The following MYH11 variants were observed in gnomAD, a reference collection of about 807,000 sequenced individuals.
The protein encoded by MYH11 is myosin heavy chain 11.
In MYH11, 80 loss-of-function variants were observed where a neutral mutation model predicts 246.6. The ratio of observed to expected loss-of-function variants is 0.32; its 90% CI spans 0.27 to 0.39. MYH11 has a LOEUF of 0.39. Among genes scored for constraint, MYH11 ranks in the 10% least tolerant of loss-of-function variants. The pLI is 1.00. For missense variants in MYH11, 2,158 were observed against 2,546.8 expected (o/e 0.85, Z 3.29); for synonymous variants, 1,071 against 1,015.5 (o/e 1.05, Z -1.04).
chr16:15,714,773 G>A, intron 40 of MYH11, 136 bp downstream of exon 40: 1 of 1,131,684 alleles, frequency 8.8e-7, no homozygotes, highest in Non-Finnish European at 1.3e-6. Context: ...AGTGATTAAG[G>A]AGAAGCAGGA....
chr16:15,763,741 T>TGGGGGGGCCCCCCCC, intron 10 of MYH11, 55 bp downstream of exon 10: 3 of 646,860 alleles, frequency 4.6e-6, no homozygotes, highest in East Asian at 3.2e-5. Context: ...AAATGTCACC[T>TGGGGGGGCCCCCCCC]CCCCCACCCC....
Position 15,776,063 on chromosome 16 carries a change from T to C in MYH11, c.889+15A>G, listed in dbSNP as rs1458570280. On this transcript the variant is annotated intron_variant, in intron 8 of 40. Transcript: ENST00000300036. ...GCTCAAGCCATCCAATCACATGTCA[T>C]TGCTAGTCACTTACTTCTCATCTTC... 3.8e-6 allele frequency: 6 copies of C among 1,576,780 alleles called. No homozygotes were observed. Among genetic ancestry groups the C allele is most frequent in the South Asian group, 1.1e-5 (1 of 90,316 alleles).
intron 3 of MYH11, among the ~76,000 whole-genome samples, chr16:15,804,002 G>A (rs1179541879): frequency 6.6e-6 from 1 of 152,196 alleles, no homozygotes; most frequent in Non-Finnish European, 1.5e-5. Context: ...GGAACTCTGA[G>A]ATCCTGGAAA....
rs573993389 is a variant in MYH11 at position 15,740,302 on chromosome 16, G to C, written c.2860-114C>G. 45 of 1,516,028 alleles carry C rather than the reference G, an allele frequency of 3.0e-5. 1 individual carries two copies. Among genetic ancestry groups the C allele is most frequent in the East Asian group, 9.1e-5 (4 of 44,190 alleles). The allele number at this position is 1,516,028 out of a possible 1,614,324, so 93.9% of individuals were successfully genotyped here. ...GCCTGAAGATGCCCAGAACTCTGTA[G>C]CCTCCTAAAAGGAAGAAATAAAGGC... On this transcript the variant is annotated intron_variant, in intron 22 of 40. Coordinates refer to ENST00000300036, the MANE Select transcript of MYH11 (RefSeq NM_002474.3).
At chr16:15,737,755 G>A in intron 24 of MYH11, 135 bp from the exon 25 acceptor site, 1 of 870,876 alleles carries the variant, frequency 1.1e-6, no homozygotes, top group Non-Finnish European at 1.8e-6. Flanking sequence ...TCACGGTCTG[G>A]ACCATTATCT....
At position 15,755,948 on chromosome 16, in the gene MYH11, TTTAGCTGGGCATGGTGGTG is replaced by T. The variant is rs570838477; in HGVS notation, c.1749+374_1749+392del. ...TTCCATCTCAAAAAGGAAAAAAGAT[TTTAGCTGGGCATGGTGGTG>T]TACACCTGTAGTCCCAGCTACTTGG... On this transcript the variant is annotated intron_variant, in intron 14 of 40. Coordinates refer to ENST00000300036, the MANE Select transcript of MYH11 (RefSeq NM_002474.3). 5.2e-4 allele frequency among the ~76,000 whole-genome samples: 79 copies of T among 151,792 alleles called. 1 individual carries two copies. Among genetic ancestry groups the T allele is most frequent in the African/African-American group, 1.9e-3 (77 of 41,418 alleles).
rs1280938518 is a variant in MYH11 at position 15,748,049 on chromosome 16, T to C, written c.2178A>G (p.Gln726=). The stretch of plus-strand genomic sequence containing the variant: ...CTGGGCCAGACCTTGGGACTTACCG[T>C]TGGCGGAACTCCTGGAAGACGATCC... The part of the protein sequence containing the change: ...PNRIVFQEFR[Q]RYEILAANAI... Residue 726 remains glutamine, a splice_region_variant and synonymous_variant, in exon 17 of 41, where the codon CAA becomes CAG. Coordinates refer to ENST00000300036, the MANE Select transcript of MYH11 (RefSeq NM_002474.3). 6.2e-7 allele frequency: 1 copy of C among 1,614,178 alleles called. No homozygotes were observed.
At chr16:15,789,351 T>A (rs1462265756) in intron 4 of MYH11, among the ~76,000 whole-genome samples, 1 of 152,154 alleles carries the variant, frequency 6.6e-6, no homozygotes, top group Admixed American at 6.5e-5. Flanking sequence ...GGCTCACAGA[T>A]CTTTTCATTT....
intron 1 of MYH11, among the ~76,000 whole-genome samples, chr16:15,848,236 T>A (rs1294174482): frequency 6.7e-6 from 1 of 148,620 alleles, no homozygotes; most frequent in Non-Finnish European, 1.5e-5. Context: ...GTCTTTTTTT[T>A]TTTTTTTTTT....
intron 11 of MYH11, 123 bp downstream of exon 11, chr16:15,760,417 G>T: frequency 1.2e-6 from 1 of 822,902 alleles, no homozygotes; most frequent in East Asian, 2.4e-5. Context: ...TGGATGGACA[G>T]ATGCAGAGGC....
In MYH11 at chr16:15,778,809, C is replaced by G. The variant is rs1355086136; in HGVS notation, c.761G>C (p.Gly254Ala). Residue 254 changes from glycine (G) to alanine (A), a missense_variant, in exon 7 of 41, where the codon GGT (glycine) becomes GCT (alanine). Around this residue, in one of 11 missense-constraint regions of MYH11, gnomAD observed 123 missense variants for 207.1 expected, o/e 0.59. Coordinates refer to ENST00000300036, the MANE Select transcript of MYH11 (RefSeq NM_002474.3). The stretch of plus-strand genomic sequence containing the variant: ...CTCAATGTTGGCTCCCACGATGTAA[C>G]CCGTGACGTCGAAGTTGATGCGGAT... ...KFIRINFDVT[G>A]YIVGANIETY... 6.2e-7 allele frequency: 1 copy of G among 1,614,086 alleles called. No homozygotes were observed. Among genetic ancestry groups the G allele is most frequent in the South Asian group, 1.1e-5 (1 of 91,078 alleles).
chr16:15,802,317 T>C (rs1458987030), intron 3 of MYH11, among the ~76,000 whole-genome samples: 3 of 152,340 alleles, frequency 2.0e-5, no homozygotes, highest in Non-Finnish European at 4.4e-5. Flanking sequence ...GGGTGGGCAC[T>C]GGCATTGCCT....
intron 3 of MYH11, among the ~76,000 whole-genome samples, chr16:15,804,844 C>A (rs2042972521): frequency 1.3e-5 from 2 of 152,136 alleles, no homozygotes; most frequent in Non-Finnish European, 2.9e-5. Context: ...GACTTTATGC[C>A]TATTTGTGGC....
At chr16:15,762,786 C>G (rs574998907) in intron 10 of MYH11, among the ~76,000 whole-genome samples, 1 of 152,310 alleles carries the variant, frequency 6.6e-6, no homozygotes, top group South Asian at 2.1e-4. Flanking sequence ...CTTACTCTAT[C>G]GCAATTCCCC....
chr16:15,784,246 T>C (rs2042417364), intron 5 of MYH11, among the ~76,000 whole-genome samples: 1 of 151,986 alleles, frequency 6.6e-6, no homozygotes, highest in Non-Finnish European at 1.5e-5. Context: ...TTAGGGATGA[T>C]GGCAGGGAGA....
At chr16:15,817,712 G>A (rs2151350368) in intron 3 of MYH11, among the ~76,000 whole-genome samples, 1 of 152,226 alleles carries the variant, frequency 6.6e-6, no homozygotes, top group East Asian at 1.9e-4. Flanking sequence ...GCAAAGGGCT[G>A]AGCTCTGGCT....
In MYH11 at chr16:15,756,404, C is replaced by T. The variant is rs1033911743; in HGVS notation, c.1686G>A (p.Lys562=). ...CCTTGAGCTGCTTGGGCTTCTGGAA[C>T]TTGGGGTGGCTGCCCTGCTCCGTGC... ...KLCTEQGSHP[K]FQKPKQLKDK... The change falls in exon 14 of 41, where the codon AAG becomes AAA. Residue 562 remains lysine (K), a synonymous_variant. Transcript: ENST00000300036. 5 of 1,614,024 alleles carry T rather than the reference C, an allele frequency of 3.1e-6. No homozygotes were observed. The Admixed American group carries it at 8.3e-5, about 27-fold the overall frequency.
chr16:15,789,167 G>A (rs1300789390), intron 4 of MYH11, among the ~76,000 whole-genome samples: 4 of 152,164 alleles, frequency 2.6e-5, no homozygotes, highest in African/African-American at 9.7e-5. Flanking sequence ...GATACAGTCA[G>A]AATGGAAAGT....
intron 40 of MYH11, chr16:15,711,344 C>G (rs1001059458): frequency 6.6e-6 from 1 of 152,136 alleles, no homozygotes; most frequent in African/African-American, 2.4e-5. Flanking sequence ...CAGAGAGAGT[C>G]TATTTGGTGC....
Sources: gnomAD v4.1 joint callset for allele counts (sites outside exome capture counted in the v4.1 genomes callset) on GRCh38, gnomAD v4.1.1 for gene constraint, gnomAD v4.1.1 regional missense constraint, MANE v1.5 for transcripts, NCBI Gene and HGNC (gene_info 2026-07-23, HGNC 2026-07-21) for gene names.